EXOC4: variants seen among roughly 807,000 people sequenced by gnomAD.
EXOC4 encodes the protein exocyst complex component 4.
EXOC4 carries 71 observed loss-of-function variants against 107.2 expected under a neutral mutation model. The ratio of observed to expected loss-of-function variants is 0.66; its 90% CI spans 0.55 to 0.81. The LOEUF (loss-of-function observed/expected upper bound fraction) is 0.81. Ranked by LOEUF, EXOC4 falls within the 30% of genes least tolerant of loss-of-function variation. The probability of loss-of-function intolerance (pLI) is 0.00; values close to 1 mark genes in which losing one functional copy is unlikely to be tolerated. For missense variants in EXOC4, 1,108 were observed against 1,189.6 expected, an observed-to-expected ratio of 0.93 and a Z score of 1.01; for synonymous variants, 456 against 441.2, an observed-to-expected ratio of 1.03 and a Z score of -0.42.
chr7:133,760,023 G>A (rs73724732), intron 10 of EXOC4, among the ~76,000 whole-genome samples: 2,587 of 152,218 alleles, frequency 0.017, 71 homozygotes, highest in African/African-American at 0.059. Flanking sequence ...ATGAAATGGC[G>A]TAATGAGTGA....
At chr7:133,669,050 T>C (rs1793881846) in intron 10 of EXOC4, among the ~76,000 whole-genome samples, 1 of 150,886 alleles carries the variant, frequency 6.6e-6, no homozygotes, top group South Asian at 2.1e-4. Flanking sequence ...CTATTCTATT[T>C]ACTTCCCTTT....
intron 10 of EXOC4, among the ~76,000 whole-genome samples, chr7:133,764,554 G>A (rs867012030): frequency 2.6e-5 from 4 of 152,004 alleles, no homozygotes; most frequent in Admixed American, 2.0e-4. Context: ...GGTTTGAGGC[G>A]TTCAGTTCAA....
chr7:133,640,685 A>G (rs945364459), intron 10 of EXOC4, among the ~76,000 whole-genome samples: 11 of 152,206 alleles, frequency 7.2e-5, no homozygotes, highest in Admixed American at 7.2e-4. Flanking sequence ...AGTAAAAGCT[A>G]GCGGAGCAAA....
At chr7:133,865,910 A>G (rs929598233) in intron 11 of EXOC4, among the ~76,000 whole-genome samples, 1 of 152,182 alleles carries the variant, frequency 6.6e-6, no homozygotes, top group African/African-American at 2.4e-5. Context: ...GAGCCAAATC[A>G]TATCATCAAT....
chr7:133,659,744 C>A (rs949978894), intron 10 of EXOC4, among the ~76,000 whole-genome samples: 5 of 152,120 alleles, frequency 3.3e-5, no homozygotes, highest in Non-Finnish European at 7.3e-5. Context: ...ACATTGTCTC[C>A]CCGATTTCCC....
intron 17 of EXOC4, among the ~76,000 whole-genome samples, chr7:134,024,539 C>G (rs1307390499): frequency 6.6e-6 from 1 of 151,772 alleles, no homozygotes. Flanking sequence ...TTTGTTATTT[C>G]AATAGAAAAT....
At chr7:133,919,264 T>C (rs1265258611) in intron 13 of EXOC4, among the ~76,000 whole-genome samples, 1 of 152,178 alleles carries the variant, frequency 6.6e-6, no homozygotes, top group Non-Finnish European at 1.5e-5. Flanking sequence ...GAACAAAAAG[T>C]ACAGAGTTGC....
intron 9 of EXOC4, among the ~76,000 whole-genome samples, chr7:133,508,078 A>G (rs1799699135): frequency 6.6e-6 from 1 of 152,178 alleles, no homozygotes; most frequent in African/African-American, 2.4e-5. Flanking sequence ...AAGAAAAGAA[A>G]AGAAAAGAAA....
At chr7:133,684,804 C>T (rs1237863560) in intron 10 of EXOC4, among the ~76,000 whole-genome samples, 6 of 152,178 alleles carry the variant, frequency 3.9e-5, no homozygotes, top group Admixed American at 3.9e-4. Context: ...TTGTCAGCCT[C>T]AGGAACCTAG....
chr7:134,018,340 A>G (rs1794955957), intron 17 of EXOC4, among the ~76,000 whole-genome samples: 1 of 152,158 alleles, frequency 6.6e-6, no homozygotes, highest in Non-Finnish European at 1.5e-5. Flanking sequence ...GCTGTCGTAA[A>G]AGCAGAGCTA....
intron 7 of EXOC4, among the ~76,000 whole-genome samples, chr7:133,454,984 G>A (rs1390426386): frequency 6.6e-6 from 1 of 152,122 alleles, no homozygotes; most frequent in Non-Finnish European, 1.5e-5. Flanking sequence ...TACTTGGGAG[G>A]CTGAGGCGGG....
intron 9 of EXOC4, among the ~76,000 whole-genome samples, chr7:133,492,608 TC>T (rs547160687): frequency 1.2e-3 from 180 of 152,316 alleles, no homozygotes; most frequent in Non-Finnish European, 1.5e-3. Context: ...TTTTCTTCCA[TC>T]CCTTTTCCTC....
At chr7:133,799,265 G>C (rs1045300379) in intron 10 of EXOC4, among the ~76,000 whole-genome samples, 19 of 152,114 alleles carry the variant, frequency 1.2e-4, no homozygotes, top group Non-Finnish European at 2.9e-5. Flanking sequence ...CACATTTTAA[G>C]TACTAGATCA....
chr7:133,884,581 C>CTG (rs34350149), intron 11 of EXOC4, among the ~76,000 whole-genome samples: 32,428 of 143,514 alleles, frequency 0.23, 3,661 homozygotes, highest in Non-Finnish European at 0.27. Flanking sequence ...GCCCTATGCT[C>CTG]TGTGTGTGTG....
chr7:133,472,698 A>C (rs1356878843), intron 7 of EXOC4, among the ~76,000 whole-genome samples: 2 of 152,150 alleles, frequency 1.3e-5, no homozygotes, highest in East Asian at 3.9e-4. Context: ...AGACAGAAGG[A>C]AAATAAGATT....
intron 9 of EXOC4, among the ~76,000 whole-genome samples, chr7:133,501,219 C>G (rs1799570028): frequency 6.6e-6 from 1 of 152,112 alleles, no homozygotes; most frequent in Non-Finnish European, 1.5e-5. Context: ...GCTAAAAATT[C>G]TAAATTGTTG....
chr7:133,755,253 T>TTC (rs1795881270), intron 10 of EXOC4, among the ~76,000 whole-genome samples: 1 of 100,000 alleles, frequency 1.0e-5, no homozygotes, highest in Non-Finnish European at 1.9e-5. Flanking sequence ...AATATATATA[T>TTC]TATATATATA....
intron 7 of EXOC4, among the ~76,000 whole-genome samples, chr7:133,427,829 A>G (rs1412021010): frequency 6.6e-6 from 1 of 152,064 alleles, no homozygotes; most frequent in Admixed American, 6.5e-5. Context: ...TCTTCCTTTC[A>G]GTTTGAGGTT....
intron 10 of EXOC4, among the ~76,000 whole-genome samples, chr7:133,649,123 GC>G (rs892515468): frequency 2.0e-5 from 3 of 151,950 alleles, no homozygotes; most frequent in Admixed American, 6.6e-5. Flanking sequence ...AAATAATAGT[GC>G]CCCCTCCTCT....
Sources: gnomAD v4.1 joint callset for allele counts (sites outside exome capture counted in the v4.1 genomes callset) on GRCh38, gnomAD v4.1.1 for gene constraint, MANE v1.5 for transcripts, NCBI Gene and HGNC (gene_info 2026-07-23, HGNC 2026-07-21) for gene names.